RNFT2: variants seen among roughly 807,000 people sequenced by gnomAD.
RNFT2 encodes E3 ubiquitin-protein ligase RNFT2.
A neutral mutation model predicts 53.0 loss-of-function variants in RNFT2; 36 were observed. The observed-to-expected ratio is 0.68, with a 90% confidence interval of 0.52 to 0.90. The LOEUF (loss-of-function observed/expected upper bound fraction) is 0.90. RNFT2 is among the 40% of genes least tolerant of loss of function. RNFT2 has a pLI of 0.00. For synonymous variants in RNFT2, 260 were observed against 253.2 expected, an observed-to-expected ratio of 1.03 and a Z score of -0.26; for missense variants, 514 against 585.6, an observed-to-expected ratio of 0.88 and a Z score of 1.26.
At chr12:116,746,880 T>C (rs1411737949) in intron 3 of RNFT2, among the ~76,000 whole-genome samples, 1 of 152,126 alleles carries the variant, frequency 6.6e-6, no homozygotes, top group East Asian at 1.9e-4. Context: ...GCCCTCCATA[T>C]TCATGGGGGA....
intron 6 of RNFT2, among the ~76,000 whole-genome samples, chr12:116,776,936 GAGA>G (rs780610428): frequency 1.1e-3 from 35 of 32,120 alleles, no homozygotes; most frequent in Non-Finnish European, 2.3e-3. Flanking sequence ...TTTTTTTTTT[GAGA>G]AGGAGTCTCA....
intron 7 of RNFT2, among the ~76,000 whole-genome samples, chr12:116,789,018 TG>T: frequency 6.8e-6 from 1 of 147,364 alleles, no homozygotes; most frequent in Admixed American, 6.8e-5. Context: ...GATGGATGGA[TG>T]GGTGGATGGG....
At position 116,853,203 on chromosome 12, in the gene RNFT2, A is replaced by G; in HGVS notation, c.*3755A>G. 5.0e-6 allele frequency: 2 copies of G among 399,580 alleles called. No individual in the cohort carries two copies. Among genetic ancestry groups the G allele is most frequent in the Admixed American group, 8.7e-5 (2 of 22,886 alleles). The allele number at this position is 399,580 out of a possible 1,614,324, so 24.8% of individuals were successfully genotyped here. A position where few individuals can be genotyped will look rare whatever the true frequency, so the allele number is the denominator to read the frequency against. ...AAGCAGCCAGGAGTCCCCGTTGGAA[A>G]AGAACAATGCCACTCTCTTTTATGT... On this transcript the variant is annotated 3_prime_UTR_variant, in exon 11 of 11. Coordinates refer to ENST00000257575, the MANE Select transcript of RNFT2 (RefSeq NM_001382266.1).
At chr12:116,813,070 C>G (rs1190283705) in intron 7 of RNFT2, among the ~76,000 whole-genome samples, 1 of 152,208 alleles carries the variant, frequency 6.6e-6, no homozygotes, top group Non-Finnish European at 1.5e-5. Context: ...ATCTTCCTGC[C>G]TCAGCCTCCC....
At chr12:116,799,081 C>A (rs979710939) in intron 7 of RNFT2, among the ~76,000 whole-genome samples, 44 of 152,288 alleles carry the variant, frequency 2.9e-4, no homozygotes, top group African/African-American at 1.1e-3. Flanking sequence ...GTTCTGGAGA[C>A]AAGTCTACTT....
chr12:116,743,240 AAAAAC>A (rs1400503171), intron 3 of RNFT2, among the ~76,000 whole-genome samples: 1,212 of 102,740 alleles, frequency 0.012, 294 homozygotes, highest in African/African-American at 0.041. Flanking sequence ...AAAAAAAAAA[AAAAAC>A]CGGTTAAAAA....
intron 7 of RNFT2, among the ~76,000 whole-genome samples, chr12:116,794,693 A>AGGGG (rs1455354982): frequency 1.1e-5 from 1 of 88,538 alleles, no homozygotes; most frequent in Admixed American, 1.1e-4. Flanking sequence ...GGAGGGAGGG[A>AGGGG]AGGGAAGGGA....
chr12:116,750,470 G>A (rs1219867124), intron 4 of RNFT2, among the ~76,000 whole-genome samples, 163 bp downstream of exon 4: 2 of 152,132 alleles, frequency 1.3e-5, no homozygotes, highest in Non-Finnish European at 2.9e-5. Flanking sequence ...TCAAATCCTG[G>A]CCGACTAGCT....
intron 7 of RNFT2, among the ~76,000 whole-genome samples, chr12:116,790,998 T>C (rs774569656): frequency 6.6e-6 from 1 of 152,168 alleles, no homozygotes; most frequent in South Asian, 2.1e-4. Flanking sequence ...AAACCATTAA[T>C]CATTTTAGAG....
intron 7 of RNFT2, among the ~76,000 whole-genome samples, chr12:116,830,746 C>G (rs996767672): frequency 1.3e-5 from 2 of 151,518 alleles, no homozygotes; most frequent in African/African-American, 4.8e-5. Flanking sequence ...CCCATCTCTA[C>G]TAAAAATACA....
intron 3 of RNFT2, among the ~76,000 whole-genome samples, chr12:116,745,613 AC>A (rs1871858585): frequency 6.6e-6 from 1 of 152,174 alleles, no homozygotes; most frequent in African/African-American, 2.4e-5. Context: ...AGCCAGGGAA[AC>A]CACCGTGTCC....
In RNFT2 at chr12:116,851,575, C is replaced by G. The variant is rs1877925780; in HGVS notation, c.*2127C>G. Reference sequence around the variant, plus strand: ...CCAACATGGCAAAACCCCCTCTTTACTAAAAAATACAAAAATTAGCCGGGC... The same window carrying G: ...CCAACATGGCAAAACCCCCTCTTTAGTAAAAAATACAAAAATTAGCCGGGC... On this transcript the variant is annotated 3_prime_UTR_variant, in exon 11 of 11. Transcript: ENST00000257575. The G allele has an allele frequency of 1.7e-6, 1 of 585,270 alleles. No homozygotes were observed. Among genetic ancestry groups the G allele is most frequent in the African/African-American group, 1.9e-5 (1 of 53,596 alleles). The allele number at this position is 585,270 out of a possible 1,614,324, so 36.3% of individuals were successfully genotyped here.
intron 7 of RNFT2, among the ~76,000 whole-genome samples, chr12:116,789,861 A>G (rs1214647741): frequency 7.0e-6 from 1 of 143,848 alleles, no homozygotes; most frequent in African/African-American, 2.6e-5. Flanking sequence ...GAGTAGATGG[A>G]TAGATGGGTG....
chr12:116,763,049 T>A (rs956818104), intron 5 of RNFT2, among the ~76,000 whole-genome samples: 2 of 152,146 alleles, frequency 1.3e-5, no homozygotes, highest in African/African-American at 2.4e-5. Context: ...ACCACTGCAC[T>A]CTAGCCTGGG....
At chr12:116,827,920 G>T (rs572922191) in intron 7 of RNFT2, among the ~76,000 whole-genome samples, 1 of 152,186 alleles carries the variant, frequency 6.6e-6, no homozygotes, top group Non-Finnish European at 1.5e-5. Flanking sequence ...AGCCTCTTTG[G>T]TTCCTGGGGC....
At chr12:116,739,855 T>C (rs1455020046) in intron 1 of RNFT2, among the ~76,000 whole-genome samples, 1 of 152,230 alleles carries the variant, frequency 6.6e-6, no homozygotes, top group African/African-American at 2.4e-5. Context: ...ACATATTTTC[T>C]GGCTTCCCCA....
intron 10 of RNFT2, among the ~76,000 whole-genome samples, chr12:116,849,087 G>A (rs1441789503): frequency 1.3e-5 from 2 of 152,050 alleles, no homozygotes; most frequent in Admixed American, 1.3e-4. Context: ...CCAAAGTGCT[G>A]GGATTACAGT....
intron 6 of RNFT2, among the ~76,000 whole-genome samples, chr12:116,778,208 G>T (rs1012254046): frequency 6.6e-6 from 1 of 152,200 alleles, no homozygotes; most frequent in Non-Finnish European, 1.5e-5. Context: ...GGACTGTTAT[G>T]GTTGGGTTTG....
In RNFT2 at chr12:116,768,547, A is replaced by G. The variant is rs140631597; in HGVS notation, c.728+1633A>G. ...GATATTGCAGCCATCATAACGCTGT[A>G]GCACAGTGCCTTACTCATGTATTTG... On this transcript the variant is annotated intron_variant, in intron 6 of 10. Transcript: ENST00000257575. Among the ~76,000 whole-genome samples the G allele has an allele frequency of 1.3e-5, 2 of 152,316 alleles. 1 individual carries two copies. The highest frequency in any genetic ancestry group is 2.9e-5 in the Non-Finnish European group (2 of 68,030).
Sources: gnomAD v4.1 joint callset for allele counts (sites outside exome capture counted in the v4.1 genomes callset) on GRCh38, gnomAD v4.1.1 for gene constraint, MANE v1.5 for transcripts, NCBI Gene and HGNC (gene_info 2026-07-23, HGNC 2026-07-21) for gene names.